Variants in CDH12 observed in about 807,000 individuals in gnomAD.
CDH12 encodes cadherin 12.
A neutral mutation model predicts 74.1 loss-of-function variants in CDH12; 41 were observed. That is an observed-to-expected ratio of 0.55 (90% CI 0.43 to 0.72). The LOEUF (loss-of-function observed/expected upper bound fraction) is 0.72, where lower values mean the gene tolerates loss of function less well. Among genes scored for constraint, CDH12 ranks in the 30% least tolerant of loss-of-function variants. The pLI is 0.00. For missense variants in CDH12, 945 were observed against 977.2 expected, an observed-to-expected ratio of 0.97 and a Z score of 0.44; for synonymous variants, 399 against 355.0, an observed-to-expected ratio of 1.12 and a Z score of -1.39.
chr5:22,247,109 A>C (rs1752972753), intron 3 of CDH12, among the ~76,000 whole-genome samples: 1 of 152,202 alleles, frequency 6.6e-6, no homozygotes, highest in South Asian at 2.1e-4. Flanking sequence ...TTAATCCTAA[A>C]CGGACCTTTG....
At chr5:22,796,232 G>A (rs1331090345) in intron 1 of CDH12, among the ~76,000 whole-genome samples, 1 of 152,044 alleles carries the variant, frequency 6.6e-6, no homozygotes, top group Non-Finnish European at 1.5e-5. Context: ...TGGACCATAT[G>A]GTAGTTCTAT....
At chr5:22,373,537 G>A (rs1741388446) in intron 3 of CDH12, among the ~76,000 whole-genome samples, 1 of 152,144 alleles carries the variant, frequency 6.6e-6, no homozygotes, top group African/African-American at 2.4e-5. Flanking sequence ...TGGGGCTCAA[G>A]GACAGGCATG....
chr5:21,982,413 A>G (rs1240346309), intron 5 of CDH12, among the ~76,000 whole-genome samples: 1 of 151,892 alleles, frequency 6.6e-6, no homozygotes, highest in African/African-American at 2.4e-5. Flanking sequence ...GTGTGAGCCA[A>G]TTCCTTATAA....
intron 3 of CDH12, among the ~76,000 whole-genome samples, chr5:22,325,761 A>G (rs1739064370): frequency 6.6e-6 from 1 of 152,176 alleles, no homozygotes; most frequent in South Asian, 2.1e-4. Context: ...ACAAAAAATT[A>G]GCCGGGCGTG....
At chr5:22,556,144 T>C (rs1435790090) in intron 1 of CDH12, among the ~76,000 whole-genome samples, 1 of 151,908 alleles carries the variant, frequency 6.6e-6, no homozygotes, top group Admixed American at 6.6e-5. Flanking sequence ...CAGGACACAG[T>C]GAAAGATGCA....
At chr5:21,976,743 T>G (rs1757087247) in intron 5 of CDH12, among the ~76,000 whole-genome samples, 1 of 152,060 alleles carries the variant, frequency 6.6e-6, no homozygotes, top group Admixed American at 6.6e-5. Flanking sequence ...TCTAACCATT[T>G]GGGCTATGCC....
intron 4 of CDH12, chr5:22,152,506 G>A (rs1747662674): frequency 6.6e-6 from 1 of 151,598 alleles, no homozygotes; most frequent in African/African-American, 2.4e-5. Flanking sequence ...TTAAAAATTG[G>A]CAGATAAAAT....
chr5:22,517,633 A>T (rs896342759), intron 1 of CDH12, among the ~76,000 whole-genome samples: 2 of 152,156 alleles, frequency 1.3e-5, no homozygotes, highest in Non-Finnish European at 2.9e-5. Flanking sequence ...GAGAACTCTG[A>T]CTAATACACT....
chr5:22,811,228 C>T lies in CDH12; in HGVS notation c.-523+41830G>A, dbSNP rs1311693208. Among the ~76,000 whole-genome samples, 4 of 151,884 alleles carry T rather than the reference C, an allele frequency of 2.6e-5. No homozygotes were observed. The South Asian group carries it at 6.2e-4, about 24-fold the overall frequency. On this transcript the variant is annotated intron_variant, in intron 1 of 14. Coordinates refer to ENST00000382254, the MANE Select transcript of CDH12 (RefSeq NM_004061.5). ...AAAACTGGGAGAGAGGAGAGATCATCTGGATATAGAGAAGAGGAAAGCGAG... is the reference window on the plus strand; with the variant it reads ...AAAACTGGGAGAGAGGAGAGATCATTTGGATATAGAGAAGAGGAAAGCGAG...
chr5:22,734,789 T>C lies in CDH12; in HGVS notation c.-523+118269A>G, dbSNP rs1045780472. The stretch of plus-strand genomic sequence containing the variant: ...TTAGTAGCAGTATTCACAAGAACCG[T>C]TGTAAACCTGTTTCCTAAAATATAA... On this transcript the variant is annotated intron_variant, in intron 1 of 14. Transcript: ENST00000382254. Among the ~76,000 whole-genome samples, 29 of 152,060 alleles carry C rather than the reference T, an allele frequency of 1.9e-4. 1 individual carries two copies. In the South Asian group the frequency reaches 4.8e-3, roughly 25 times the overall value.
chr5:22,296,343 C>G (rs1737622737), intron 3 of CDH12, among the ~76,000 whole-genome samples: 1 of 151,874 alleles, frequency 6.6e-6, no homozygotes, highest in African/African-American at 2.4e-5. Context: ...AAAACGTATT[C>G]CTCGAACTAT....
chr5:22,819,986 T>TAC (rs1399703165), intron 1 of CDH12, among the ~76,000 whole-genome samples: 3 of 145,552 alleles, frequency 2.1e-5, no homozygotes, highest in African/African-American at 7.4e-5. Context: ...TACATATATA[T>TAC]ACATATACAT....
At chr5:22,696,688 G>A (rs2126952051) in intron 1 of CDH12, among the ~76,000 whole-genome samples, 1 of 152,196 alleles carries the variant, frequency 6.6e-6, no homozygotes, top group Admixed American at 6.5e-5. Context: ...TTAAGGTGTA[G>A]CTTTCTAGCA....
chr5:22,397,456 G>GT (rs55937701), intron 3 of CDH12, among the ~76,000 whole-genome samples: 4,710 of 140,266 alleles, frequency 0.034, 76 homozygotes, highest in Middle Eastern at 0.044. Flanking sequence ...TTGATTCCAG[G>GT]TTTTTTTTTT....
intron 1 of CDH12, among the ~76,000 whole-genome samples, chr5:22,748,720 T>G (rs533733252): frequency 6.6e-6 from 1 of 152,330 alleles, no homozygotes; most frequent in East Asian, 1.9e-4. Flanking sequence ...ACTGTAGCGA[T>G]TGTAATGATG....
chr5:21,979,298 C>T lies in CDH12; in HGVS notation c.232-3913G>A, dbSNP rs1757205349. Among the ~76,000 whole-genome samples, 3 of 152,182 alleles carry T rather than the reference C, an allele frequency of 2.0e-5. No individual in the cohort carries two copies. In the South Asian group the frequency reaches 6.2e-4, roughly 32 times the overall value. On this transcript the variant is annotated intron_variant, in intron 5 of 14. Transcript: ENST00000382254. ...TTGACACTTAAAATAAAATTTCTCCCCAGAAAAAGAGTTCTATAAATGATG... is the reference window on the plus strand; with the variant it reads ...TTGACACTTAAAATAAAATTTCTCCTCAGAAAAAGAGTTCTATAAATGATG...
intron 2 of CDH12, among the ~76,000 whole-genome samples, chr5:22,411,909 TTC>T (rs1325204859): frequency 6.6e-6 from 1 of 152,060 alleles, no homozygotes; most frequent in Non-Finnish European, 1.5e-5. Context: ...AAAGATTTAA[TTC>T]TGTTTTCTCA....
chr5:22,047,026 C>T (rs1740001743), intron 5 of CDH12, among the ~76,000 whole-genome samples: 1 of 152,272 alleles, frequency 6.6e-6, no homozygotes, highest in East Asian at 1.9e-4. Flanking sequence ...CCAACACTTT[C>T]AAGCCTAAAT....
At chr5:22,247,837 C>T (rs1753007531) in intron 3 of CDH12, among the ~76,000 whole-genome samples, 1 of 152,048 alleles carries the variant, frequency 6.6e-6, no homozygotes, top group Admixed American at 6.6e-5. Flanking sequence ...CACATGTAAA[C>T]ATATCCAGTT....
Sources: allele counts gnomAD v4.1 joint callset (sites outside exome capture counted in the v4.1 genomes callset), GRCh38; gene constraint gnomAD v4.1.1; transcripts MANE v1.5; gene names NCBI Gene and HGNC (gene_info 2026-07-23, HGNC 2026-07-21).